IDUA: variants seen among roughly 807,000 people sequenced by gnomAD.
IDUA encodes the protein alpha-L-iduronidase.
In IDUA, 65 loss-of-function variants were observed where a neutral mutation model predicts 68.9. That is an observed-to-expected ratio of 0.94 (90% CI 0.77 to 1.16). IDUA has a LOEUF of 1.16. Among genes scored for constraint, IDUA ranks in the 50% most tolerant of loss-of-function variants. The pLI is 0.00. For missense variants in IDUA, 1,046 were observed against 938.0 expected, an observed-to-expected ratio of 1.12 and a Z score of -1.50; for synonymous variants, 529 against 433.6, an observed-to-expected ratio of 1.22 and a Z score of -2.73.
chr4:989,261 TG>T lies in IDUA; in HGVS notation c.299+1313del, dbSNP rs778770773. 29 of 1,612,502 alleles carry T rather than the reference TG, an allele frequency of 1.8e-5. No individual in the cohort carries two copies. The East Asian group carries it at 6.5e-4, about 36-fold the overall frequency. ...CACCCTGCGTCCAGCCCCGTGAGGC[TG>T]TAGAGTGACTGCAGGAAGAAGTCCT... On this transcript the variant is annotated intron_variant, in intron 2 of 13. Coordinates refer to ENST00000514224, the MANE Select transcript of IDUA (RefSeq NM_000203.5).
At chr4:989,588 G>C in intron 2 of IDUA, 1 of 1,599,274 alleles carries the variant, frequency 6.3e-7, no homozygotes, top group Non-Finnish European at 8.5e-7. Flanking sequence ...AGGGCCCCCC[G>C]CAGGCTGACC....
chr4:987,593 G>A, intron 1 of IDUA: 4 of 1,410,780 alleles, frequency 2.8e-6, no homozygotes. Flanking sequence ...CCAGGGCCAG[G>A]GCTGGCGTTG....
chr4:993,398 GGA>G (rs1394619086), intron 2 of IDUA: 1 of 152,394 alleles, frequency 6.6e-6, no homozygotes, highest in Non-Finnish European at 1.5e-5. Context: ...CGAGCAGCGG[GGA>G]GAGTGGGGGT....
intron 2 of IDUA, 154 bp downstream of exon 2, chr4:988,103 G>C (rs1236753001): frequency 2.8e-6 from 4 of 1,441,118 alleles, no homozygotes; most frequent in Non-Finnish European, 3.6e-6. Context: ...CTGTGCTGGG[G>C]TGAGGGCTGT....
At chr4:1,003,207 G>C (rs1278520222) in intron 10 of IDUA, 50 bp downstream of exon 10, 17 of 1,293,144 alleles carry the variant, frequency 1.3e-5, no homozygotes, top group East Asian at 3.2e-5. Context: ...GGGGTCCCGG[G>C]GGGGTGGGGT....
chr4:1,000,411 G>T (rs775877705), intron 2 of IDUA, among the ~76,000 whole-genome samples: 1 of 152,338 alleles, frequency 6.6e-6, no homozygotes, highest in African/African-American at 2.4e-5. Context: ...GGGTTGGGGG[G>T]TCTCCATGTA....
chr4:1,002,606 C>T, intron 8 of IDUA, 121 bp downstream of exon 8: 1 of 1,184,632 alleles, frequency 8.4e-7, no homozygotes, highest in Non-Finnish European at 1.1e-6. Flanking sequence ...GGTCGGCCTC[C>T]GCGTGGCGGG....
At chr4:987,024 G>A (rs1713767544), upstream of IDUA, 2 of 1,299,712 alleles carry the variant, frequency 1.5e-6, no homozygotes, top group Admixed American at 2.3e-5. Context: ...CCCAGACTCC[G>A]ACCCGGAGGC....
chr4:989,209 C>G lies in IDUA; in HGVS notation c.299+1260C>G, dbSNP rs776670233. On this transcript the variant is annotated intron_variant, in intron 2 of 13. Coordinates refer to ENST00000514224, the MANE Select transcript of IDUA (RefSeq NM_000203.5). ...TCCCTCACCGACCCCCGTCTCTGAG[C>G]CCCCCTCCTTCCTCCTGGCAGCCAT... 1.1e-5 allele frequency: 17 copies of G among 1,609,266 alleles called. No homozygotes were observed. The South Asian group carries it at 1.7e-4, about 16-fold the overall frequency.
chr4:988,681 A>C, intron 2 of IDUA: 1 of 1,413,222 alleles, frequency 7.1e-7, no homozygotes, highest in South Asian at 1.6e-5. Flanking sequence ...CTCCTTTCCC[A>C]GTTGGGGTTC....
At chr4:989,274 CAGGA>C (rs747383399) in intron 2 of IDUA, 37 of 1,612,602 alleles carry the variant, frequency 2.3e-5, no homozygotes, top group Non-Finnish European at 3.1e-5. Flanking sequence ...AGAGTGACTG[CAGGA>C]AGAAGTCCTT....
In IDUA at chr4:1,000,933, A is replaced by T; in HGVS notation, c.437A>T (p.Lys146Met). Residue 146 changes from lysine (K) to methionine (M), a missense_variant, in exon 4 of 14, where the codon AAG (lysine) becomes ATG (methionine). By Grantham distance (95) the Lys-to-Met change is moderately conservative. Transcript: ENST00000514224. ...GGCCACTTCACTGACTTTGAGGACA[A>T]GCAGCAGGTGTTTGAGTGGAAGGAC... is the stretch of plus-strand genomic sequence containing the variant. ...ASGHFTDFEDKQQVFEWKDLV... is the reference protein window; with the variant it reads ...ASGHFTDFEDMQQVFEWKDLV... 1 of 1,613,554 alleles carries T rather than the reference A, an allele frequency of 6.2e-7. No homozygotes were observed. Among genetic ancestry groups the T allele is most frequent in the East Asian group, 2.2e-5 (1 of 44,890 alleles).
In IDUA at chr4:1,004,431, C is replaced by T; in HGVS notation, c.*38C>T. On this transcript the variant is annotated 3_prime_UTR_variant, in exon 14 of 14. Coordinates refer to ENST00000514224, the MANE Select transcript of IDUA (RefSeq NM_000203.5). This position sits in a 1 kb window ranked among gnomAD's most constrained non-coding sequence, Gnocchi z 5.0. Reference sequence around the variant, plus strand: ...CCCCAGTGGGTTGCACCTCCACCGGCAGTCAGCGAGCTGGGGCTGCACTGT... The same window carrying T: ...CCCCAGTGGGTTGCACCTCCACCGGTAGTCAGCGAGCTGGGGCTGCACTGT... 6.2e-7 allele frequency: 1 copy of T among 1,605,514 alleles called. No homozygotes were observed.
chr4:1,003,901 G>A (rs767722991), intron 12 of IDUA, 111 bp from the exon 13 acceptor site: 115 of 974,334 alleles, frequency 1.2e-4, no homozygotes, highest in East Asian at 2.4e-4. Flanking sequence ...GGGAGGTGCC[G>A]CCGAGGGGCT....
At chr4:988,496 G>C (rs1713928243) in intron 2 of IDUA, 2 of 1,140,240 alleles carry the variant, frequency 1.8e-6, no homozygotes, top group African/African-American at 1.6e-5. Context: ...GAGGCTGCAT[G>C]ATGGCGGGGG....
Position 987,891 on chromosome 4 carries a change from C to G in IDUA, c.241C>G (p.Pro81Ala). The G allele has an allele frequency of 1.9e-6, 3 of 1,610,362 alleles. No individual in the cohort carries two copies. In the African/African-American group the frequency reaches 4.0e-5, roughly 21 times the overall value. ...CAACCTCGCCTATGTGGGCGCCGTC[C>G]CTCACCGCGGCATCAAGCAGGTCCG... ...QLNLAYVGAVPHRGIKQVRTH... is the reference protein window; with the variant it reads ...QLNLAYVGAVAHRGIKQVRTH... The change falls in exon 2 of 14, where the codon CCT becomes GCT. Residue 81 changes from proline to alanine, a missense_variant. Transcript: ENST00000514224.
intron 2 of IDUA, chr4:990,404 A>C (rs1269460444): frequency 1.2e-5 from 19 of 1,522,420 alleles, no homozygotes; most frequent in Non-Finnish European, 1.6e-5. Context: ...GCCTGGCGGG[A>C]GCCACCTGCC....
chr4:988,008 G>A, intron 2 of IDUA, 59 bp downstream of exon 2: 1 of 1,518,124 alleles, frequency 6.6e-7, no homozygotes, highest in Non-Finnish European at 8.9e-7. Flanking sequence ...CAGATGGGAG[G>A]GGAGGGCTGG....
At position 1,002,499 on chromosome 4, in the gene IDUA, G is replaced by A. The variant is rs905668695; in HGVS notation, c.1189+14G>A. ...TGGCGCTGCTGGGTGAGCCGGGGCC[G>A]CTGGGGTGGGCCGGCCAGGGCCCTC... On this transcript the variant is annotated intron_variant, in intron 8 of 13. Transcript: ENST00000514224. 1 of 1,512,434 alleles carries A rather than the reference G, an allele frequency of 6.6e-7. No homozygotes were observed. 93.7% of individuals were successfully genotyped at this position (1,512,434 alleles called of 1,614,324 possible).
Sources: gnomAD v4.1 joint callset for allele counts (sites outside exome capture counted in the v4.1 genomes callset) on GRCh38, gnomAD v4.1.1 for gene constraint, Gnocchi (gnomAD v3.1) non-coding constraint, MANE v1.5 for transcripts, NCBI Gene and HGNC (gene_info 2026-07-23, HGNC 2026-07-21) for gene names.